VTA1: variants seen among roughly 807,000 people sequenced by gnomAD.
VTA1 encodes vacuolar protein sorting-associated protein VTA1 homolog.
In VTA1, 24 loss-of-function variants were observed where a neutral mutation model predicts 36.9. The ratio of observed to expected loss-of-function variants is 0.65; its 90% CI spans 0.47 to 0.91. VTA1 has a LOEUF of 0.91. Among genes scored for constraint, VTA1 ranks in the 40% least tolerant of loss-of-function variants. VTA1 has a pLI of 0.00. For synonymous variants in VTA1, 142 were observed against 130.2 expected (o/e 1.09, Z -0.62); for missense variants, 393 against 377.2 (o/e 1.04, Z -0.35).
intron 6 of VTA1, among the ~76,000 whole-genome samples, chr6:142,199,838 A>G (rs932807491): frequency 1.3e-5 from 2 of 152,142 alleles, no homozygotes; most frequent in African/African-American, 4.8e-5. Flanking sequence ...ATATTAATAG[A>G]CAAACCTATT....
chr6:142,164,442 A>C (rs1217937369), intron 1 of VTA1, among the ~76,000 whole-genome samples: 1 of 152,120 alleles, frequency 6.6e-6, no homozygotes, highest in African/African-American at 2.4e-5. Flanking sequence ...GGTTATGAAT[A>C]CATTATTAAA....
chr6:142,179,720 G>A (rs1435321187), intron 4 of VTA1, among the ~76,000 whole-genome samples: 1 of 152,152 alleles, frequency 6.6e-6, no homozygotes, highest in East Asian at 1.9e-4. Flanking sequence ...TAATCTGTTT[G>A]TCACAATATT....
At position 142,147,292 on chromosome 6, in the gene VTA1, C is replaced by A. The variant is rs765995461; in HGVS notation, c.5C>A (p.Ala2Asp). 1.9e-6 allele frequency: 3 copies of A among 1,614,124 alleles called. No homozygotes were observed. Among genetic ancestry groups the A allele is most frequent in the South Asian group, 1.1e-5 (1 of 91,084 alleles). Residue 2 changes from alanine to aspartate, a missense_variant, in exon 1 of 8, where the codon GCC becomes GAC. Physicochemically the swap from Ala to Asp is moderately radical, Grantham distance 126 (BLOSUM62 -2). Coordinates refer to ENST00000367630, the MANE Select transcript of VTA1 (RefSeq NM_016485.5). Reference sequence around the variant, plus strand: ...AGTGGTGAGTTCGGAGTAGAGATGGCCGCGCTTGCACCGCTGCCCCCGCTC... The same window carrying A: ...AGTGGTGAGTTCGGAGTAGAGATGGACGCGCTTGCACCGCTGCCCCCGCTC... The part of the protein sequence containing the change: M[A>D]ALAPLPPLPA...
intron 1 of VTA1, among the ~76,000 whole-genome samples, chr6:142,163,273 C>T (rs1294286097): frequency 6.6e-6 from 1 of 151,924 alleles, no homozygotes; most frequent in African/African-American, 2.4e-5. Context: ...GGGCTTCAGT[C>T]ATCTAGTATT....
intron 7 of VTA1, among the ~76,000 whole-genome samples, chr6:142,206,721 T>A (rs1048980531): frequency 1.3e-5 from 2 of 152,162 alleles, no homozygotes; most frequent in African/African-American, 4.8e-5. Context: ...GTAATCTAGA[T>A]AGTATGGTAC....
In VTA1 at chr6:142,220,833, C is replaced by T. The variant is rs560096742; in HGVS notation, c.*2190C>T. 6.6e-6 allele frequency: 1 copy of T among 151,978 alleles called. No individual in the cohort carries two copies. The highest frequency in any genetic ancestry group is 1.9e-4 in the East Asian group (1 of 5,170). 9.4% of individuals were successfully genotyped at this position (151,978 alleles called of 1,614,324 possible). A position where few individuals can be genotyped will look rare whatever the true frequency, so the allele number is the denominator to read the frequency against. On this transcript the variant is annotated 3_prime_UTR_variant, in exon 8 of 8. Transcript: ENST00000367630. ...TCCATATATATTTACTGAATGGCTA[C>T]TATATGCCTGGTATTGTTCTTTGAA...
chr6:142,218,292 T>C (rs1469299583), intron 7 of VTA1, among the ~76,000 whole-genome samples: 1 of 152,180 alleles, frequency 6.6e-6, no homozygotes, highest in Non-Finnish European at 1.5e-5. Context: ...TTATTATGTA[T>C]TGCCGTGTCT....
intron 5 of VTA1, among the ~76,000 whole-genome samples, chr6:142,197,934 A>G (rs9496298): frequency 7.0e-6 from 1 of 143,846 alleles, no homozygotes; most frequent in Admixed American, 7.0e-5. Context: ...AAAAAAAACC[A>G]AAAAAAAAAC....
chr6:142,148,739 G>T (rs1778509167), intron 1 of VTA1, among the ~76,000 whole-genome samples: 1 of 152,190 alleles, frequency 6.6e-6, no homozygotes, highest in South Asian at 2.1e-4. Context: ...GTGCAGATGG[G>T]ATTTCAGTTT....
chr6:142,154,950 C>T (rs180754695), intron 1 of VTA1, among the ~76,000 whole-genome samples: 2 of 151,966 alleles, frequency 1.3e-5, no homozygotes, highest in Admixed American at 6.5e-5. Context: ...GCAGATTTAC[C>T]GCTTTCTTTA....
In VTA1 at chr6:142,166,223, T is replaced by G; in HGVS notation, c.113-5T>G. ...TTGTTCAAATTATCTTACTTTTCTT[T>G]CTAGGTCGTTTATACGCAATGCAGA... On this transcript the variant is annotated splice_region_variant and splice_polypyrimidine_tract_variant and intron_variant, in intron 1 of 7. Coordinates refer to ENST00000367630, the MANE Select transcript of VTA1 (RefSeq NM_016485.5). 3 of 1,592,332 alleles carry G rather than the reference T, an allele frequency of 1.9e-6. No homozygotes were observed. In the South Asian group the frequency reaches 3.5e-5, roughly 18 times the overall value.
intron 7 of VTA1, 117 bp downstream of exon 7, chr6:142,204,182 A>G (rs1200464363): frequency 1.1e-6 from 1 of 901,402 alleles, no homozygotes; most frequent in Non-Finnish European, 1.7e-6. Context: ...TTGAATTTCT[A>G]GGTAATTTGA....
At chr6:142,173,868 A>G (rs1306108262) in intron 4 of VTA1, among the ~76,000 whole-genome samples, 1 of 152,160 alleles carries the variant, frequency 6.6e-6, no homozygotes. Context: ...TTCATGTGAG[A>G]TTGGGGTGAT....
chr6:142,165,427 A>G (rs536894183), intron 1 of VTA1, among the ~76,000 whole-genome samples: 51 of 152,330 alleles, frequency 3.3e-4, no homozygotes, highest in African/African-American at 1.0e-3. Flanking sequence ...GAGTTTTACT[A>G]TCAATCTTCA....
At chr6:142,169,961 A>G (rs1478210111) in intron 3 of VTA1, among the ~76,000 whole-genome samples, 1 of 152,134 alleles carries the variant, frequency 6.6e-6, no homozygotes, top group Non-Finnish European at 1.5e-5. Context: ...TTTAGCCAAA[A>G]TCACAGCCCC....
At position 142,181,078 on chromosome 6, in the gene VTA1, G is replaced by GAAAA. The variant is rs1162412059; in HGVS notation, c.412-8334_412-8331dup. Among the ~76,000 whole-genome samples, 447 of 51,214 alleles carry GAAAA rather than the reference G, an allele frequency of 8.7e-3. 13 individuals carry two copies. The highest frequency in any genetic ancestry group is 0.023 in the African/African-American group (337 of 14,384). 33.6% of individuals were successfully genotyped at this position (51,214 alleles called of 152,430 possible). A position where few individuals can be genotyped will look rare whatever the true frequency, so the allele number is the denominator to read the frequency against. On this transcript the variant is annotated intron_variant, in intron 4 of 7. Coordinates refer to ENST00000367630, the MANE Select transcript of VTA1 (RefSeq NM_016485.5). ...CTTCAATTTACTCTTAAATGGTACA[G>GAAAA]AAAAAAAAAAAAAAAAATATATATA... is the stretch of plus-strand genomic sequence containing the variant.
rs1202901994 is a variant in VTA1 at position 142,220,213 on chromosome 6, G to A, written c.*1570G>A. The A allele has an allele frequency of 6.6e-6, 1 of 152,150 alleles. No individual in the cohort carries two copies. Among genetic ancestry groups the A allele is most frequent in the East Asian group, 1.9e-4 (1 of 5,196 alleles). The allele number at this position is 152,150 out of a possible 1,614,324, so 9.4% of individuals were successfully genotyped here. On this transcript the variant is annotated 3_prime_UTR_variant, in exon 8 of 8. Transcript: ENST00000367630. ...TGAACATTTGTAGGGTTCCACATTT[G>A]CATCTAGAAATCCAATGCTCTTTAG...
chr6:142,201,657 T>G (rs1159472707), intron 6 of VTA1, among the ~76,000 whole-genome samples: 1 of 152,030 alleles, frequency 6.6e-6, no homozygotes, highest in Non-Finnish European at 1.5e-5. Flanking sequence ...TGCAGCTCAC[T>G]TCATAGATCA....
rs759449225 is a variant in VTA1 at position 142,170,308 on chromosome 6, T to C, written c.336-38T>C. 137 of 1,414,744 alleles carry C rather than the reference T, an allele frequency of 9.7e-5. 2 individuals are homozygous for C. In the South Asian group the frequency reaches 1.2e-3, roughly 13 times the overall value. The allele number at this position is 1,414,744 out of a possible 1,614,324, so 87.6% of individuals were successfully genotyped here. ...ATGACAAAACTACATTTTAATGTGT[T>C]TCATATTTAAACTAGACCGCTCTCT... On this transcript the variant is annotated intron_variant, in intron 3 of 7. Transcript: ENST00000367630.
Sources: gnomAD v4.1 joint callset for allele counts (sites outside exome capture counted in the v4.1 genomes callset) on GRCh38, gnomAD v4.1.1 for gene constraint, MANE v1.5 for transcripts, NCBI Gene and HGNC (gene_info 2026-07-23, HGNC 2026-07-21) for gene names.